The following SCN8A variants were observed in gnomAD, a reference collection of about 807,000 sequenced individuals.
The protein encoded by SCN8A is sodium channel protein type 8 subunit alpha.
In SCN8A, 30 loss-of-function variants were observed where a neutral mutation model predicts 184.1. The ratio of observed to expected loss-of-function variants is 0.16; its 90% CI spans 0.12 to 0.22. The LOEUF (loss-of-function observed/expected upper bound fraction) is 0.22. Ranked by LOEUF, SCN8A falls within the 10% of genes least tolerant of loss-of-function variation. SCN8A has a pLI of 1.00. For missense variants in SCN8A, 1,057 were observed against 2,498.9 expected (o/e 0.42, Z 12.30); for synonymous variants, 852 against 907.0 (o/e 0.94, Z 1.09).
chr12:51,751,588 A>C lies in SCN8A; in HGVS notation c.2365A>C (p.Asn789His). The C allele has an allele frequency of 6.2e-7, 1 of 1,608,834 alleles. No individual in the cohort carries two copies. Among genetic ancestry groups the C allele is most frequent in the Non-Finnish European group, 8.5e-7 (1 of 1,175,328 alleles). The change falls in exon 14 of 27, where the codon AAT (asparagine) becomes CAT (histidine). Residue 789 changes from asparagine to histidine, a missense_variant. By Grantham distance (68) the Asn-to-His change is moderately conservative. This residue lies in a region of SCN8A where 66 missense variants were observed against 310.6 expected (regional missense o/e 0.21). Transcript: ENST00000627620. ...ATTTGAACATGTCTTGGCTGTAGGAAATCTGGTAAGATGGAACACTGTCTC... is the reference window on the plus strand; with the variant it reads ...ATTTGAACATGTCTTGGCTGTAGGACATCTGGTAAGATGGAACACTGTCTC... ...PQFEHVLAVG[N>H]LVFTGIFTAE...
chr12:51,755,065 A>G (rs920159551), intron 14 of SCN8A, among the ~76,000 whole-genome samples: 32 of 152,244 alleles, frequency 2.1e-4, no homozygotes, highest in African/African-American at 7.5e-4. Context: ...TAACAAAACC[A>G]GTTTTACCAT....
intron 12 of SCN8A, among the ~76,000 whole-genome samples, chr12:51,732,120 G>T (rs569446564): frequency 5.3e-4 from 81 of 152,104 alleles, no homozygotes; most frequent in African/African-American, 1.9e-3. Context: ...GTGCTTGTAG[G>T]GTATTATTCA....
intron 14 of SCN8A, among the ~76,000 whole-genome samples, chr12:51,757,158 A>G (rs1452203515): frequency 6.6e-6 from 1 of 152,214 alleles, no homozygotes; most frequent in African/African-American, 2.4e-5. Context: ...TTGCAGTTTT[A>G]AAACTGGGAC....
At position 51,786,972 on chromosome 12, in the gene SCN8A, GT is replaced by G. The variant is rs1396149134; in HGVS notation, c.4227+149del. On this transcript the variant is annotated intron_variant, in intron 22 of 26. Transcript: ENST00000627620. ...GAAAACAGTATTGTTCCCCAAACCA[GT>G]TTCAGAGAGATACCTTTCCTGAGTA... The G allele has an allele frequency of 5.0e-5, 38 of 766,004 alleles. No homozygotes were observed. The Admixed American group carries it at 5.2e-4, about 11-fold the overall frequency. 47.5% of individuals were successfully genotyped at this position (766,004 alleles called of 1,614,324 possible). A position where few individuals can be genotyped will look rare whatever the true frequency, so the allele number is the denominator to read the frequency against.
rs78323163 is a variant in SCN8A at position 51,640,782 on chromosome 12, T to C, written c.-54-21982T>C. 5.4e-3 allele frequency among the ~76,000 whole-genome samples: 830 copies of C among 152,366 alleles called. 10 individuals are homozygous for C. Among genetic ancestry groups the C allele is most frequent in the African/African-American group, 0.019 (777 of 41,594 alleles). ...TGATTCATCCACCAGCCAAGGTTAC[T>C]GTACCATCCTTGAGGTTGAATGGGT... On this transcript the variant is annotated intron_variant, in intron 1 of 26. Transcript: ENST00000627620.
intron 1 of SCN8A, among the ~76,000 whole-genome samples, chr12:51,616,930 A>AT (rs1381106526): frequency 6.6e-6 from 1 of 152,148 alleles, no homozygotes; most frequent in Admixed American, 6.5e-5. Flanking sequence ...AAAAAAAAAA[A>AT]AAAGTTTTAC....
At position 51,687,178 on chromosome 12, in the gene SCN8A, G is replaced by A. The variant is rs1565886940; in HGVS notation, c.573G>A (p.Arg191=). ...GFCIDGFTFL[R]DPWNWLDFSV... The stretch of plus-strand genomic sequence containing the variant: ...GCATAGATGGCTTTACCTTTTTACG[G>A]GACCCATGGAACTGGTTAGATTTCA... The change falls in exon 5 of 27, where the codon CGG becomes CGA. Residue 191 remains arginine, a synonymous_variant. Transcript: ENST00000627620. 1 of 1,613,520 alleles carries A rather than the reference G, an allele frequency of 6.2e-7. No homozygotes were observed. Among genetic ancestry groups the A allele is most frequent in the Admixed American group, 1.7e-5 (1 of 59,964 alleles).
At chr12:51,766,499 CAT>C (rs1483744312) in intron 16 of SCN8A, among the ~76,000 whole-genome samples, 1 of 152,206 alleles carries the variant, frequency 6.6e-6, no homozygotes, top group Non-Finnish European at 1.5e-5. Flanking sequence ...ATGCCAGTAG[CAT>C]CCTGAGAGCT....
At chr12:51,772,838 C>T (rs1319221904) in intron 19 of SCN8A, among the ~76,000 whole-genome samples, 1 of 146,266 alleles carries the variant, frequency 6.8e-6, no homozygotes, top group Non-Finnish European at 1.5e-5. Context: ...AAAAATTAAC[C>T]GGGCATGGTG....
chr12:51,716,436 G>A (rs542770960), intron 11 of SCN8A, among the ~76,000 whole-genome samples: 2 of 152,288 alleles, frequency 1.3e-5, no homozygotes, highest in African/African-American at 4.8e-5. Context: ...AGTTAGTAGA[G>A]GAAGAAGCAG....
intron 2 of SCN8A, among the ~76,000 whole-genome samples, chr12:51,672,399 A>G (rs969372171): frequency 6.6e-6 from 1 of 152,140 alleles, no homozygotes; most frequent in African/African-American, 2.4e-5. Context: ...ACCATTTATT[A>G]TTCCCTGACT....
intron 6 of SCN8A, among the ~76,000 whole-genome samples, chr12:51,690,758 G>A (rs1450745041): frequency 4.6e-5 from 7 of 152,152 alleles, no homozygotes; most frequent in African/African-American, 1.7e-4. Flanking sequence ...ACTGGAATGT[G>A]GTTTACTGAG....
rs2138952174 is a variant in SCN8A, at chr12:51,810,792, G to C, written c.*3363G>C. On this transcript the variant is annotated 3_prime_UTR_variant, in exon 27 of 27. Transcript: ENST00000627620. ...AGGAGACTCTGTAATTTAAAGCAGA[G>C]GACGAGAGGAGGAAGAAACTTCCAT... is the stretch of plus-strand genomic sequence containing the variant. 1 of 152,428 alleles carries C rather than the reference G, an allele frequency of 6.6e-6. No homozygotes were observed. The allele number at this position is 152,428 out of a possible 1,614,324, so 9.4% of individuals were successfully genotyped here.
intron 1 of SCN8A, among the ~76,000 whole-genome samples, chr12:51,621,966 G>T (rs1939972438): frequency 6.6e-6 from 1 of 152,174 alleles, no homozygotes; most frequent in South Asian, 2.1e-4. Flanking sequence ...ATTAATAGAA[G>T]TATCATTACA....
chr12:51,621,467 T>C (rs556782369), intron 1 of SCN8A, among the ~76,000 whole-genome samples: 36 of 152,358 alleles, frequency 2.4e-4, no homozygotes, highest in African/African-American at 7.7e-4. Context: ...ATCATATTGG[T>C]GACCCCTTTT....
intron 19 of SCN8A, among the ~76,000 whole-genome samples, chr12:51,773,333 G>A (rs1942958700): frequency 6.6e-6 from 1 of 152,142 alleles, no homozygotes; most frequent in Non-Finnish European, 1.5e-5. Context: ...CCACCACTCT[G>A]CAGATGGGAA....
Position 51,717,203 on chromosome 12 carries a change from TG to T in SCN8A, c.1636-4342del, listed in dbSNP as rs1941980392. On this transcript the variant is annotated intron_variant, in intron 11 of 26. Transcript: ENST00000627620. ...CTCTTCTTTCAAAGGCAGTTGCCTC[TG>T]TGTCTGTCACCTTACCGTGATCTGA... Among the ~76,000 whole-genome samples, 3 of 152,218 alleles carry T rather than the reference TG, an allele frequency of 2.0e-5. No homozygotes were observed. In the South Asian group the frequency reaches 6.2e-4, roughly 32 times the overall value.
chr12:51,668,270 T>C (rs1941071365), intron 2 of SCN8A, among the ~76,000 whole-genome samples: 2 of 152,132 alleles, frequency 1.3e-5, no homozygotes, highest in East Asian at 1.9e-4. Context: ...CAAAGAGATA[T>C]CTGCTTATTA....
In SCN8A at chr12:51,809,292, G is replaced by A. The variant is rs1938814930; in HGVS notation, c.*1863G>A. Reference sequence around the variant, plus strand: ...ATACAAAGAGTGAAAAGAGACTTTAGCATGTGAACCAAATCCAAATAAATT... The same window carrying A: ...ATACAAAGAGTGAAAAGAGACTTTAACATGTGAACCAAATCCAAATAAATT... On this transcript the variant is annotated 3_prime_UTR_variant, in exon 27 of 27. Transcript: ENST00000627620. The A allele has an allele frequency of 6.6e-6, 1 of 152,206 alleles. No individual in the cohort carries two copies. Among genetic ancestry groups the A allele is most frequent in the Non-Finnish European group, 1.5e-5 (1 of 68,048 alleles). 9.4% of individuals were successfully genotyped at this position (152,206 alleles called of 1,614,324 possible). A position where few individuals can be genotyped will look rare whatever the true frequency, so the allele number is the denominator to read the frequency against.
Sources: allele counts gnomAD v4.1 joint callset (sites outside exome capture counted in the v4.1 genomes callset), GRCh38; gene constraint gnomAD v4.1.1; regional missense constraint gnomAD v4.1.1; transcripts MANE v1.5; gene names NCBI Gene and HGNC (gene_info 2026-07-23, HGNC 2026-07-21).